The following FZR1 variants were observed in gnomAD, a reference collection of about 807,000 sequenced individuals.
The protein encoded by FZR1 is fizzy and cell division cycle 20 related 1, also known as fizzy-related protein homolog.
FZR1 carries 11 observed loss-of-function variants against 63.6 expected under a neutral mutation model. The ratio of observed to expected loss-of-function variants is 0.17; its 90% CI spans 0.11 to 0.29. The LOEUF is 0.29. FZR1 is among the 10% of genes least tolerant of loss of function. The pLI, the probability that FZR1 is intolerant of heterozygous loss-of-function variation, is 1.00. For synonymous variants in FZR1, 328 were observed against 297.9 expected (o/e 1.10, Z -1.04); for missense variants, 440 against 687.5 (o/e 0.64, Z 4.03).
chr19:3,513,483 C>T (rs747554805), intron 1 of FZR1, among the ~76,000 whole-genome samples: 10 of 152,226 alleles, frequency 6.6e-5, no homozygotes, highest in African/African-American at 2.4e-5. Context: ...TCTACCCTCA[C>T]CAACTGCATG....
At chr19:3,530,072 G>A (rs2083224481) in intron 7 of FZR1, among the ~76,000 whole-genome samples, 1 of 135,332 alleles carries the variant, frequency 7.4e-6, no homozygotes, top group Admixed American at 7.3e-5. Flanking sequence ...GTGAGCGGAT[G>A]GGAGAGCGGA....
chr19:3,524,590 T>TG (rs968267780), intron 2 of FZR1, among the ~76,000 whole-genome samples: 3 of 152,156 alleles, frequency 2.0e-5, no homozygotes, highest in Admixed American at 6.5e-5. Context: ...CTGTGTTTCC[T>TG]GGGGCTCCAC....
At position 3,526,207 on chromosome 19, in the gene FZR1, C is replaced by T. The variant is rs749255706; in HGVS notation, c.259+24C>T. ...AGGTTAGGGTCCCAGCCCATCCGCC[C>T]TGCAGGCCCCCACCCTGCCTTGCCC... On this transcript the variant is annotated intron_variant, in intron 4 of 13. Transcript: ENST00000441788. The surrounding 1 kb of genome is among the most constrained non-coding windows in gnomAD (Gnocchi z 5.4). 4 of 1,612,006 alleles carry T rather than the reference C, an allele frequency of 2.5e-6. No homozygotes were observed. The highest frequency in any genetic ancestry group is 1.1e-5 in the South Asian group (1 of 91,078).
At position 3,538,318 on chromosome 19, in the gene FZR1, C is replaced by A. The variant is rs186245599; in HGVS notation, c.*3482C>A. The stretch of plus-strand genomic sequence containing the variant: ...TGTTTATTGTGGTAAAATACAAAAT[C>A]TACCGTCTTACAGTGAGGTGGCGTT... On this transcript the variant is annotated 3_prime_UTR_variant, in exon 14 of 14. Coordinates refer to ENST00000441788, the MANE Select transcript of FZR1 (RefSeq NM_016263.4). 1 of 171,620 alleles carries A rather than the reference C, an allele frequency of 5.8e-6. No homozygotes were observed. Among genetic ancestry groups the A allele is most frequent in the East Asian group, 1.8e-4 (1 of 5,632 alleles). The allele number at this position is 171,620 out of a possible 1,614,324, so 10.6% of individuals were successfully genotyped here.
rs2083164389 is a variant in FZR1, at chr19:3,526,898, A to G, written c.388-82A>G. On this transcript the variant is annotated intron_variant, in intron 5 of 13. Coordinates refer to ENST00000441788, the MANE Select transcript of FZR1 (RefSeq NM_016263.4). This position sits in a 1 kb window ranked among gnomAD's most constrained non-coding sequence, Gnocchi z 5.4. ...CACCTGCCTTAGGGCTATGAGCTGT[A>G]CCGGGAGCGTGGGCTGCTGGGGGGC... The G allele has an allele frequency of 4.2e-6, 4 of 943,908 alleles. No homozygotes were observed. The allele number at this position is 943,908 out of a possible 1,614,324, so 58.5% of individuals were successfully genotyped here.
rs1359446546 is a variant in FZR1 at position 3,527,685 on chromosome 19, C to T, written c.525C>T (p.Pro175=). ...RKPTRKISKI[P]FKVLDAPELQ... is the part of the protein sequence containing the mutation. ...CCACCCGCAAGATCTCCAAGATCCC[C>T]TTCAAGGTGCTGGACGCGCCCGAGC... The change falls in exon 7 of 14, where the codon CCC becomes CCT. Residue 175 remains proline, a synonymous_variant. Transcript: ENST00000441788. The T allele has an allele frequency of 3.1e-6, 5 of 1,612,140 alleles. No homozygotes were observed. The Admixed American group carries it at 6.7e-5, about 22-fold the overall frequency.
Position 3,515,381 on chromosome 19 carries a change from T to C in FZR1, c.-34-7575T>C, listed in dbSNP as rs890836429. ...CGAGCATCCAGCAAAGGAGGGAGAA[T>C]GCGGTGGTGCCCGGTCTCATCCGGA... On this transcript the variant is annotated intron_variant, in intron 1 of 13. Transcript: ENST00000441788. This position sits in a 1 kb window ranked among gnomAD's most constrained non-coding sequence, Gnocchi z 4.6. Among the ~76,000 whole-genome samples, 1 of 152,184 alleles carries C rather than the reference T, an allele frequency of 6.6e-6. No individual in the cohort carries two copies. Among genetic ancestry groups the C allele is most frequent in the Non-Finnish European group, 1.5e-5 (1 of 68,034 alleles).
Position 3,516,003 on chromosome 19 carries a change from G to A in FZR1, c.-34-6953G>A, listed in dbSNP as rs1302307996. Among the ~76,000 whole-genome samples, 3 of 152,190 alleles carry A rather than the reference G, an allele frequency of 2.0e-5. No individual in the cohort carries two copies. The highest frequency in any genetic ancestry group is 4.4e-5 in the Non-Finnish European group (3 of 68,044). On this transcript the variant is annotated intron_variant, in intron 1 of 13. Transcript: ENST00000441788. The surrounding 1 kb of genome is among the most constrained non-coding windows in gnomAD (Gnocchi z 6.0). Reference sequence around the variant, plus strand: ...CTTGCGTCTTCCACTCTGACTAGCTGCCGCAGTGACTCCATCTCTGCACAC... The same window carrying A: ...CTTGCGTCTTCCACTCTGACTAGCTACCGCAGTGACTCCATCTCTGCACAC...
rs1026046148 is a variant in FZR1 at position 3,536,476 on chromosome 19, C to G, written c.*1640C>G. 1 of 152,224 alleles carries G rather than the reference C, an allele frequency of 6.6e-6. No homozygotes were observed. The highest frequency in any genetic ancestry group is 2.4e-5 in the African/African-American group (1 of 41,454). 9.4% of individuals were successfully genotyped at this position (152,224 alleles called of 1,614,324 possible). On this transcript the variant is annotated 3_prime_UTR_variant, in exon 14 of 14. Transcript: ENST00000441788. ...GTTTCAAGGTTTTTAAATAAGAAAA[C>G]CAACCCTGCCTTCGCCCATGCCCGC... is the stretch of plus-strand genomic sequence containing the variant.
At chr19:3,512,020 C>A (rs1888038407) in intron 1 of FZR1, among the ~76,000 whole-genome samples, 1 of 152,318 alleles carries the variant, frequency 6.6e-6, no homozygotes, top group African/African-American at 2.4e-5. Context: ...TCCACCCCTG[C>A]AACCACGGCC....
chr19:3,526,004 G>A lies in FZR1; in HGVS notation c.195+11G>A. On this transcript the variant is annotated intron_variant, in intron 3 of 13. Transcript: ENST00000441788. This position sits in a 1 kb window ranked among gnomAD's most constrained non-coding sequence, Gnocchi z 5.4. ...TTCCACAGGATTAACGTGAGGGGCT[G>A]GCTGGGCAGGAGATGGGACCCCCCG... 1.9e-6 allele frequency: 3 copies of A among 1,611,658 alleles called. No homozygotes were observed. The highest frequency in any genetic ancestry group is 2.5e-6 in the Non-Finnish European group (3 of 1,179,508).
Position 3,515,836 on chromosome 19 carries a change from C to G in FZR1, c.-34-7120C>G, listed in dbSNP as rs939757746. On this transcript the variant is annotated intron_variant, in intron 1 of 13. Coordinates refer to ENST00000441788, the MANE Select transcript of FZR1 (RefSeq NM_016263.4). This position sits in a 1 kb window ranked among gnomAD's most constrained non-coding sequence, Gnocchi z 4.6. ...CAGGAGAAATAAGGCTTCTTTCCTC[C>G]CCAATCCTCGTCCTCTCCTTCCTCT... 7.2e-5 allele frequency among the ~76,000 whole-genome samples: 11 copies of G among 151,988 alleles called. No homozygotes were observed. Among genetic ancestry groups the G allele is most frequent in the Non-Finnish European group, 1.5e-4 (10 of 67,996 alleles).
chr19:3,518,003 G>GT (rs1555691841), intron 1 of FZR1, among the ~76,000 whole-genome samples: 1 of 137,014 alleles, frequency 7.3e-6, no homozygotes, highest in Admixed American at 7.3e-5. Flanking sequence ...CCAGCTAACT[G>GT]TTTCTTTCTT....
intron 1 of FZR1, among the ~76,000 whole-genome samples, chr19:3,513,032 C>T (rs1028495384): frequency 3.3e-5 from 5 of 152,154 alleles, no homozygotes; most frequent in Non-Finnish European, 7.4e-5. Context: ...AGGCACCCAG[C>T]GCAGTCCCTT....
At chr19:3,519,586 A>G (rs528595554) in intron 1 of FZR1, among the ~76,000 whole-genome samples, 1 of 152,228 alleles carries the variant, frequency 6.6e-6, no homozygotes, top group South Asian at 2.1e-4. Context: ...TGGTGTGCCA[A>G]GGGGTACAAG....
rs548283849 is a variant in FZR1, at chr19:3,529,977, A to AG, written c.655-812dup. On this transcript the variant is annotated intron_variant, in intron 7 of 13. Coordinates refer to ENST00000441788, the MANE Select transcript of FZR1 (RefSeq NM_016263.4). ...ATGCAAGAGTGGATGAGAGTGGTTG[A>AG]GGGAGTGGATGGTTGAGTGGATGGG... Among the ~76,000 whole-genome samples, 7 of 95,454 alleles carry AG rather than the reference A, an allele frequency of 7.3e-5. No individual in the cohort carries two copies. The South Asian group carries it at 1.8e-3, about 24-fold the overall frequency. 62.6% of individuals were successfully genotyped at this position (95,454 alleles called of 152,430 possible). A position where few individuals can be genotyped will look rare whatever the true frequency, so the allele number is the denominator to read the frequency against.
chr19:3,509,930 G>A (rs1346201594), intron 1 of FZR1, among the ~76,000 whole-genome samples: 1 of 152,088 alleles, frequency 6.6e-6, no homozygotes, highest in Non-Finnish European at 1.5e-5. Context: ...TGGTGGTTGT[G>A]TGGCGACCGT....
Position 3,525,402 on chromosome 19 carries a change from G to A in FZR1, c.70-466G>A, listed in dbSNP as rs1339453859. ...AATCCCTGACCATGAGTGACCACGA[G>A]TGACTGTGTGGCTCCCCTCCTTGGG... On this transcript the variant is annotated intron_variant, in intron 2 of 13. Coordinates refer to ENST00000441788, the MANE Select transcript of FZR1 (RefSeq NM_016263.4). The surrounding 1 kb of genome is among the most constrained non-coding windows in gnomAD (Gnocchi z 4.2). Among the ~76,000 whole-genome samples, 2 of 148,268 alleles carry A rather than the reference G, an allele frequency of 1.3e-5. No homozygotes were observed. Among genetic ancestry groups the A allele is most frequent in the Non-Finnish European group, 3.0e-5 (2 of 67,162 alleles).
chr19:3,513,374 C>G (rs941955634), intron 1 of FZR1, among the ~76,000 whole-genome samples: 9 of 152,236 alleles, frequency 5.9e-5, no homozygotes, highest in Admixed American at 5.2e-4. Context: ...GTGGGCAGGG[C>G]TGGGCCGAGT....
Sources: allele counts gnomAD v4.1 joint callset (sites outside exome capture counted in the v4.1 genomes callset), GRCh38; gene constraint gnomAD v4.1.1; non-coding constraint Gnocchi (gnomAD v3.1); transcripts MANE v1.5; gene names NCBI Gene and HGNC (gene_info 2026-07-23, HGNC 2026-07-21).